PTPRK: variants seen among roughly 807,000 people sequenced by gnomAD.
PTPRK encodes the protein receptor-type tyrosine-protein phosphatase kappa.
In PTPRK, 75 loss-of-function variants were observed where a neutral mutation model predicts 178.0. That is an observed-to-expected ratio of 0.42 (90% CI 0.35 to 0.51). PTPRK has a LOEUF of 0.51. Among genes scored for constraint, PTPRK ranks in the 20% least tolerant of loss-of-function variants. PTPRK has a pLI of 0.02. For missense variants in PTPRK, 1,441 were observed against 1,797.8 expected, an observed-to-expected ratio of 0.80 and a Z score of 3.59; for synonymous variants, 637 against 620.6, an observed-to-expected ratio of 1.03 and a Z score of -0.39.
At chr6:128,193,689 A>G (rs1804308695) in intron 6 of PTPRK, among the ~76,000 whole-genome samples, 1 of 152,204 alleles carries the variant, frequency 6.6e-6, no homozygotes, top group South Asian at 2.1e-4. Context: ...GTGCTGAAAT[A>G]AGAAGAATCA....
intron 1 of PTPRK, among the ~76,000 whole-genome samples, chr6:128,506,993 G>A (rs1335267924): frequency 3.3e-5 from 5 of 152,048 alleles, no homozygotes; most frequent in South Asian, 2.1e-4. Context: ...TTTAAGCACT[G>A]TAACTCAATA....
At chr6:128,309,782 C>CCTT (rs10668816) in intron 3 of PTPRK, among the ~76,000 whole-genome samples, 28,053 of 151,844 alleles carry the variant, frequency 0.18, 5,058 homozygotes, top group African/African-American at 0.48. Context: ...TTTTATTTCT[C>CCTT]CTTCTCATGG....
At position 128,063,771 on chromosome 6, in the gene PTPRK, G is replaced by A. The variant is rs111593667; in HGVS notation, c.2194+987C>T. Among the ~76,000 whole-genome samples, 824 of 152,110 alleles carry A rather than the reference G, an allele frequency of 5.4e-3. 11 individuals are homozygous for A. Among genetic ancestry groups the A allele is most frequent in the African/African-American group, 0.018 (748 of 41,494 alleles). On this transcript the variant is annotated intron_variant, in intron 13 of 29. Transcript: ENST00000368226. ...TAAAGCTTCTTTATTATTCACAAGCGTCAAAGAGAAAGTCTTTCTTTATTG... is the reference window on the plus strand; with the variant it reads ...TAAAGCTTCTTTATTATTCACAAGCATCAAAGAGAAAGTCTTTCTTTATTG...
At chr6:128,083,503 T>C (rs546996265) in intron 9 of PTPRK, among the ~76,000 whole-genome samples, 3 of 152,238 alleles carry the variant, frequency 2.0e-5, no homozygotes, top group African/African-American at 7.2e-5. Flanking sequence ...CATGCATTTT[T>C]TAAGAATTTG....
intron 2 of PTPRK, among the ~76,000 whole-genome samples, chr6:128,390,930 C>A (rs1273361909): frequency 6.6e-6 from 1 of 151,976 alleles, no homozygotes; most frequent in Non-Finnish European, 1.5e-5. Flanking sequence ...TCTGCAACAT[C>A]ATTGTTTTCA....
intron 15 of PTPRK, among the ~76,000 whole-genome samples, chr6:127,999,506 G>A (rs1777547983): frequency 2.0e-5 from 3 of 151,902 alleles, no homozygotes; most frequent in African/African-American, 7.3e-5. Flanking sequence ...AACCTCTGCC[G>A]CCTTGACTTA....
chr6:128,036,344 T>C (rs1253906643), intron 13 of PTPRK, among the ~76,000 whole-genome samples: 3 of 152,224 alleles, frequency 2.0e-5, no homozygotes, highest in Admixed American at 6.5e-5. Context: ...AATTGTAAGA[T>C]GGTTGCTAGC....
chr6:128,064,359 T>C (rs569989554), intron 13 of PTPRK, among the ~76,000 whole-genome samples: 16 of 152,330 alleles, frequency 1.1e-4, no homozygotes, highest in South Asian at 1.0e-3. Context: ...TATAATCTTA[T>C]GTAAACATGA....
chr6:127,997,274 G>C (rs953607038), intron 16 of PTPRK, among the ~76,000 whole-genome samples: 1 of 152,070 alleles, frequency 6.6e-6, no homozygotes, highest in South Asian at 2.1e-4. Context: ...AGAAGTAGAA[G>C]TAGCAAAGTA....
chr6:128,097,714 T>A (rs1788137979), intron 7 of PTPRK, among the ~76,000 whole-genome samples: 1 of 152,190 alleles, frequency 6.6e-6, no homozygotes, highest in Admixed American at 6.5e-5. Flanking sequence ...CATTCACATG[T>A]TATTTAAATA....
At chr6:128,251,782 T>G (rs540206203) in intron 3 of PTPRK, among the ~76,000 whole-genome samples, 3 of 152,238 alleles carry the variant, frequency 2.0e-5, no homozygotes, top group Non-Finnish European at 4.4e-5. Flanking sequence ...TAATACTATT[T>G]ATAATGTTAC....
intron 18 of PTPRK, among the ~76,000 whole-genome samples, chr6:127,993,812 G>GA (rs1776860824): frequency 6.6e-6 from 1 of 151,480 alleles, no homozygotes; most frequent in Non-Finnish European, 1.5e-5. Flanking sequence ...ATGGGAGAGG[G>GA]AAAATTATGA....
intron 8 of PTPRK, among the ~76,000 whole-genome samples, chr6:128,085,556 C>T (rs777956199): frequency 6.6e-5 from 10 of 152,102 alleles, no homozygotes; most frequent in Non-Finnish European, 1.3e-4. Flanking sequence ...CCTATGTTTA[C>T]CTAACACAAT....
chr6:128,339,706 A>G (rs1271464136), intron 2 of PTPRK, among the ~76,000 whole-genome samples: 6 of 152,200 alleles, frequency 3.9e-5, no homozygotes, highest in Admixed American at 3.3e-4. Context: ...GAAAATGAAC[A>G]TAAGTAAATA....
At chr6:128,135,349 TG>T (rs1794874201) in intron 7 of PTPRK, among the ~76,000 whole-genome samples, 1 of 150,966 alleles carries the variant, frequency 6.6e-6, no homozygotes, top group Admixed American at 6.6e-5. Context: ...CCAAGAGCAG[TG>T]GTGCTCTTCC....
intron 3 of PTPRK, among the ~76,000 whole-genome samples, chr6:128,280,070 A>T (rs186920284): frequency 4.6e-5 from 7 of 152,306 alleles, no homozygotes; most frequent in Admixed American, 4.6e-4. Flanking sequence ...TATGAATAAT[A>T]TCAACAGAAA....
At chr6:128,476,367 A>G in intron 1 of PTPRK, among the ~76,000 whole-genome samples, 1 of 152,220 alleles carries the variant, frequency 6.6e-6, no homozygotes, top group South Asian at 2.1e-4. Flanking sequence ...TAGTACCTTG[A>G]ATATATACTT....
At chr6:128,277,898 C>T (rs1820985503) in intron 3 of PTPRK, among the ~76,000 whole-genome samples, 1 of 151,034 alleles carries the variant, frequency 6.6e-6, no homozygotes, top group African/African-American at 2.4e-5. Context: ...CTAATACTGA[C>T]AAAAATGGGC....
At chr6:128,217,789 G>C (rs1440303633) in intron 6 of PTPRK, among the ~76,000 whole-genome samples, 1 of 151,922 alleles carries the variant, frequency 6.6e-6, no homozygotes, top group East Asian at 1.9e-4. Flanking sequence ...TCAACCTTCA[G>C]ATCCTTACTC....
Sources: allele counts gnomAD v4.1 joint callset (sites outside exome capture counted in the v4.1 genomes callset), GRCh38; gene constraint gnomAD v4.1.1; transcripts MANE v1.5; gene names NCBI Gene and HGNC (gene_info 2026-07-23, HGNC 2026-07-21).